DLGAP2: variants seen among roughly 807,000 people sequenced by gnomAD.
DLGAP2 encodes the protein DLG associated protein 2.
In DLGAP2, 26 loss-of-function variants were observed where a neutral mutation model predicts 100.3. The observed-to-expected ratio is 0.26, with a 90% CI of 0.19 to 0.36. The LOEUF is 0.36. Ranked by LOEUF, DLGAP2 falls within the 10% of genes least tolerant of loss-of-function variation. DLGAP2 has a pLI of 1.00. For missense variants in DLGAP2, 1,858 were observed against 1,453.2 expected, an observed-to-expected ratio of 1.28 and a Z score of -4.53; for synonymous variants, 886 against 630.1, an observed-to-expected ratio of 1.41 and a Z score of -6.08.
At chr8:1,369,090 G>A (rs944516329) in intron 3 of DLGAP2, 5 of 152,150 alleles carry the variant, frequency 3.3e-5, no homozygotes, top group African/African-American at 7.2e-5. Flanking sequence ...CAGCACAGCA[G>A]AGAATGCAGA....
chr8:823,356 C>T (rs1205164395), intron 1 of DLGAP2, among the ~76,000 whole-genome samples: 2 of 151,802 alleles, frequency 1.3e-5, no homozygotes, highest in Non-Finnish European at 2.9e-5. Flanking sequence ...CTGCTTTCCC[C>T]CTGATCAGAA....
rs550144904 is a variant in DLGAP2 at position 1,246,385 on chromosome 8, TG to T, written c.74-12464del. 3.5e-3 allele frequency among the ~76,000 whole-genome samples: 533 copies of T among 152,336 alleles called. 4 individuals carry two copies. Among genetic ancestry groups the T allele is most frequent in the African/African-American group, 0.011 (478 of 41,576 alleles). Reference sequence around the variant, plus strand: ...ACTAACCGCTTTCCCATCTCCAGCTTGGCATCCTTCCCTCAACCAGGGCCTC... The same window carrying T: ...ACTAACCGCTTTCCCATCTCCAGCTTGCATCCTTCCCTCAACCAGGGCCTC... On this transcript the variant is annotated intron_variant, in intron 2 of 14. Transcript: ENST00000637795.
In DLGAP2 at chr8:994,195, T is replaced by A. The variant is rs149943010; in HGVS notation, c.73+86229T>A. Among the ~76,000 whole-genome samples the A allele has an allele frequency of 7.4e-4, 113 of 152,066 alleles. 2 individuals carry two copies. The highest frequency in any genetic ancestry group is 3.4e-3 in the Middle Eastern group (1 of 294). On this transcript the variant is annotated intron_variant, in intron 2 of 14. Coordinates refer to ENST00000637795, the MANE Select transcript of DLGAP2 (RefSeq NM_001346810.2). ...TATTTTGACCTAAACATCCTTATGGTGTTTTGTTTTGTTTTATTTTTTGAG... is the reference window on the plus strand; with the variant it reads ...TATTTTGACCTAAACATCCTTATGGAGTTTTGTTTTGTTTTATTTTTTGAG...
intron 2 of DLGAP2, among the ~76,000 whole-genome samples, chr8:1,228,193 G>A (rs944109689): frequency 1.1e-4 from 16 of 151,912 alleles, no homozygotes; most frequent in East Asian, 1.9e-4. Flanking sequence ...AAACCTGCAC[G>A]TTGTGCACAT....
chr8:1,667,218 A>C (rs1189744880), intron 8 of DLGAP2, among the ~76,000 whole-genome samples: 1 of 152,178 alleles, frequency 6.6e-6, no homozygotes, highest in Non-Finnish European at 1.5e-5. Flanking sequence ...AGTGTTAGGG[A>C]GTTCATCCTC....
intron 2 of DLGAP2, among the ~76,000 whole-genome samples, chr8:964,117 A>G (rs1296248971): frequency 2.0e-5 from 3 of 152,218 alleles, no homozygotes; most frequent in Non-Finnish European, 4.4e-5. Flanking sequence ...AATAAAATGC[A>G]TGCTTCCCTT....
chr8:1,630,664 T>C (rs540519570), intron 7 of DLGAP2, among the ~76,000 whole-genome samples: 1 of 151,364 alleles, frequency 6.6e-6, no homozygotes, highest in African/African-American at 2.4e-5. Flanking sequence ...ATCACGCCAC[T>C]GCACTCCAGC....
At chr8:1,513,727 TAAAC>T (rs1800261313) in intron 4 of DLGAP2, among the ~76,000 whole-genome samples, 1 of 152,226 alleles carries the variant, frequency 6.6e-6, no homozygotes, top group African/African-American at 2.4e-5. Context: ...CACTTTTTAA[TAAAC>T]AATTATAGAT....
intron 1 of DLGAP2, among the ~76,000 whole-genome samples, chr8:759,181 T>C: frequency 9.5e-6 from 1 of 105,560 alleles, no homozygotes; most frequent in Non-Finnish European, 2.0e-5. Context: ...CCGTTATCAA[T>C]ACCCCCGACA....
chr8:1,174,276 C>G (rs745466088), intron 2 of DLGAP2, among the ~76,000 whole-genome samples: 1 of 151,602 alleles, frequency 6.6e-6, no homozygotes, highest in Non-Finnish European at 1.5e-5. Flanking sequence ...ACCATCACCA[C>G]CATCATCACC....
chr8:972,944 A>G (rs370877192), intron 2 of DLGAP2, among the ~76,000 whole-genome samples: 1 of 152,264 alleles, frequency 6.6e-6, no homozygotes, highest in Non-Finnish European at 1.5e-5. Flanking sequence ...GGGTAAGGTC[A>G]TAGATAACAG....
chr8:1,157,223 C>T (rs372168906), intron 2 of DLGAP2, among the ~76,000 whole-genome samples: 13 of 152,142 alleles, frequency 8.5e-5, no homozygotes, highest in South Asian at 4.2e-4. Flanking sequence ...AAGCAGTTCC[C>T]GGGAGCATTC....
intron 5 of DLGAP2, among the ~76,000 whole-genome samples, chr8:1,550,862 T>A (rs537515047): frequency 1.3e-5 from 2 of 152,230 alleles, no homozygotes; most frequent in Admixed American, 6.5e-5. Flanking sequence ...AAACATAACA[T>A]GTGTGTCCCA....
At chr8:1,700,369 T>C (rs1799532930) in intron 14 of DLGAP2, among the ~76,000 whole-genome samples, 1 of 151,582 alleles carries the variant, frequency 6.6e-6, no homozygotes, top group Admixed American at 6.6e-5. Context: ...CATGGCTCTG[T>C]CCAGAAGGGG....
chr8:1,190,682 C>T (rs539303210), intron 2 of DLGAP2, among the ~76,000 whole-genome samples: 12 of 152,234 alleles, frequency 7.9e-5, no homozygotes, highest in South Asian at 2.1e-4. Flanking sequence ...CTCCCAACCC[C>T]GTGTCTTACG....
chr8:1,068,901 T>C (rs929364402), intron 2 of DLGAP2, among the ~76,000 whole-genome samples: 1 of 152,092 alleles, frequency 6.6e-6, no homozygotes, highest in African/African-American at 2.4e-5. Context: ...AAAAAGGGAA[T>C]CTGTGAACCT....
intron 4 of DLGAP2, among the ~76,000 whole-genome samples, chr8:1,544,735 ATT>A (rs35617361): frequency 6.9e-6 from 1 of 145,702 alleles, no homozygotes. Flanking sequence ...ATTTTTGAGG[ATT>A]TTTTTTTTTT....
intron 2 of DLGAP2, among the ~76,000 whole-genome samples, chr8:1,112,708 GTTC>G (rs1804999453): frequency 6.6e-6 from 1 of 152,154 alleles, no homozygotes; most frequent in South Asian, 2.1e-4. Flanking sequence ...CTCTACAGAG[GTTC>G]TTAAGTTTAA....
At chr8:1,007,639 G>A (rs1409933060) in intron 2 of DLGAP2, among the ~76,000 whole-genome samples, 1 of 148,594 alleles carries the variant, frequency 6.7e-6, no homozygotes, top group African/African-American at 2.5e-5. Context: ...TTTTTTTGGG[G>A]GGGGGATCTT....
Sources: allele counts gnomAD v4.1 joint callset (sites outside exome capture counted in the v4.1 genomes callset), GRCh38; gene constraint gnomAD v4.1.1; transcripts MANE v1.5; gene names NCBI Gene and HGNC (gene_info 2026-07-23, HGNC 2026-07-21).